Variants in LRRTM4 observed in about 807,000 individuals in gnomAD.
LRRTM4 encodes the protein leucine rich repeat transmembrane neuronal 4.
LRRTM4 carries 25 observed loss-of-function variants against 47.6 expected under a neutral mutation model. The observed-to-expected ratio is 0.53, with a 90% CI of 0.38 to 0.73. The LOEUF (loss-of-function observed/expected upper bound fraction) is 0.73, where lower values mean the gene tolerates loss of function less well. Among genes scored for constraint, LRRTM4 ranks in the 30% least tolerant of loss-of-function variants. The pLI is 0.00. For synonymous variants in LRRTM4, 311 were observed against 269.5 expected (o/e 1.15, Z -1.51); for missense variants, 638 against 713.4 (o/e 0.89, Z 1.20).
At chr2:76,932,715 T>C (rs917086666) in intron 3 of LRRTM4, among the ~76,000 whole-genome samples, 1 of 152,122 alleles carries the variant, frequency 6.6e-6, no homozygotes, top group Non-Finnish European at 1.5e-5. Flanking sequence ...AATGTGTTCA[T>C]ATATTCATAG....
At chr2:76,936,012 A>G (rs1481734771) in intron 3 of LRRTM4, among the ~76,000 whole-genome samples, 2 of 152,186 alleles carry the variant, frequency 1.3e-5, no homozygotes, top group Non-Finnish European at 2.9e-5. Context: ...TAGTTCAACC[A>G]TTGTGGAAGA....
At chr2:77,077,873 A>G (rs1680389628) in intron 3 of LRRTM4, among the ~76,000 whole-genome samples, 1 of 152,198 alleles carries the variant, frequency 6.6e-6, no homozygotes, top group Non-Finnish European at 1.5e-5. Flanking sequence ...CATTCATGGT[A>G]ATTAGCACAT....
At chr2:76,820,523 G>T (rs1346798580) in intron 3 of LRRTM4, among the ~76,000 whole-genome samples, 4 of 151,726 alleles carry the variant, frequency 2.6e-5, no homozygotes, top group Non-Finnish European at 4.4e-5. Flanking sequence ...ATTTCTGAGA[G>T]CTGTATCGCT....
chr2:77,169,330 T>C (rs1444080276), intron 3 of LRRTM4, among the ~76,000 whole-genome samples: 1 of 152,202 alleles, frequency 6.6e-6, no homozygotes, highest in Non-Finnish European at 1.5e-5. Flanking sequence ...TCTTAATGAC[T>C]GAACATTTCT....
chr2:77,462,990 T>G (rs2103975860), intron 3 of LRRTM4, among the ~76,000 whole-genome samples: 1 of 152,206 alleles, frequency 6.6e-6, no homozygotes, highest in South Asian at 2.1e-4. Flanking sequence ...GCCAGATTAA[T>G]TATTTGATTC....
At chr2:77,496,150 C>T (rs1185184048) in intron 3 of LRRTM4, among the ~76,000 whole-genome samples, 1 of 151,748 alleles carries the variant, frequency 6.6e-6, no homozygotes, top group African/African-American at 2.4e-5. Flanking sequence ...TTTTTGATTG[C>T]TATTAATATA....
intron 3 of LRRTM4, among the ~76,000 whole-genome samples, chr2:77,137,274 C>A (rs1443408732): frequency 6.6e-6 from 1 of 151,942 alleles, no homozygotes; most frequent in African/African-American, 2.4e-5. Flanking sequence ...CACAGCAGAT[C>A]TCTTGGCAGA....
At chr2:77,035,638 ATCAG>A (rs1187795726) in intron 3 of LRRTM4, among the ~76,000 whole-genome samples, 1 of 151,924 alleles carries the variant, frequency 6.6e-6, no homozygotes, top group African/African-American at 2.4e-5. Flanking sequence ...AAATTATACA[ATCAG>A]TAACTTTTTG....
intron 3 of LRRTM4, among the ~76,000 whole-genome samples, chr2:77,471,207 A>G (rs184584131): frequency 7.9e-5 from 12 of 152,092 alleles, no homozygotes; most frequent in African/African-American, 2.7e-4. Context: ...AAGCAATTCT[A>G]TTCTTCTTGC....
At chr2:76,807,941 CTTTCTTTCTTTCTT>C (rs1670592069) in intron 3 of LRRTM4, among the ~76,000 whole-genome samples, 1 of 133,262 alleles carries the variant, frequency 7.5e-6, no homozygotes, top group Non-Finnish European at 1.5e-5. Context: ...TCCTTTCTTT[CTTTCTTTCTTTCTT>C]TTTCTTTTTC....
At chr2:76,752,119 T>A (rs1672871309) in intron 3 of LRRTM4, among the ~76,000 whole-genome samples, 2 of 152,176 alleles carry the variant, frequency 1.3e-5, no homozygotes, top group South Asian at 4.1e-4. Context: ...GAAGAGATAC[T>A]TGAATTCACA....
chr2:76,824,385 G>T (rs1344957948), intron 3 of LRRTM4, among the ~76,000 whole-genome samples: 6 of 151,540 alleles, frequency 4.0e-5, no homozygotes, highest in Non-Finnish European at 8.9e-5. Context: ...GTCATAGAAT[G>T]CATATAAATA....
intron 3 of LRRTM4, among the ~76,000 whole-genome samples, chr2:76,949,727 C>G (rs1675437396): frequency 1.3e-5 from 2 of 151,922 alleles, no homozygotes; most frequent in South Asian, 4.1e-4. Context: ...AATTTACTCC[C>G]ACCTAACAGA....
chr2:77,147,643 A>C (rs1474872820), intron 3 of LRRTM4, among the ~76,000 whole-genome samples: 1 of 152,336 alleles, frequency 6.6e-6, no homozygotes, highest in South Asian at 2.1e-4. Flanking sequence ...ATACTGCTGC[A>C]AACATTATTA....
At chr2:76,993,867 T>C (rs1394658754) in intron 3 of LRRTM4, among the ~76,000 whole-genome samples, 1 of 151,896 alleles carries the variant, frequency 6.6e-6, no homozygotes, top group Non-Finnish European at 1.5e-5. Flanking sequence ...GTGTCCACCA[T>C]TCATGGATTT....
intron 3 of LRRTM4, among the ~76,000 whole-genome samples, chr2:77,322,343 T>C (rs912955838): frequency 2.0e-5 from 3 of 152,146 alleles, no homozygotes; most frequent in Non-Finnish European, 4.4e-5. Flanking sequence ...TTAAGTAACA[T>C]AGTTGACATG....
chr2:77,196,587 T>C (rs1184362420), intron 3 of LRRTM4, among the ~76,000 whole-genome samples: 2 of 152,124 alleles, frequency 1.3e-5, no homozygotes, highest in East Asian at 3.9e-4. Flanking sequence ...TTACTAAAAA[T>C]ACAAAAATTA....
intron 3 of LRRTM4, among the ~76,000 whole-genome samples, chr2:76,814,861 GTTATTAACTGTAATAA>G (rs1670854838): frequency 6.6e-6 from 1 of 151,528 alleles, no homozygotes; most frequent in Non-Finnish European, 1.5e-5. Context: ...CATATGTAAA[GTTATTAACTGTAATAA>G]TTATTAACTG....
intron 3 of LRRTM4, among the ~76,000 whole-genome samples, chr2:77,264,260 T>A (rs1333011130): frequency 2.6e-5 from 4 of 152,220 alleles, no homozygotes; most frequent in East Asian, 1.9e-4. Flanking sequence ...TTTTACCCTT[T>A]GTTCTCATGT....
Sources: allele counts gnomAD v4.1 joint callset (sites outside exome capture counted in the v4.1 genomes callset), GRCh38; gene constraint gnomAD v4.1.1; transcripts MANE v1.5; gene names NCBI Gene and HGNC (gene_info 2026-07-23, HGNC 2026-07-21).